Variants in UBE2D2 observed in about 807,000 individuals in gnomAD.
UBE2D2 encodes the protein ubiquitin conjugating enzyme E2 D2.
A neutral mutation model predicts 24.2 loss-of-function variants in UBE2D2; 2 were observed. The ratio of observed to expected loss-of-function variants is 0.08; its 90% confidence interval spans 0.03 to 0.26. The LOEUF is 0.26. Ranked by LOEUF, UBE2D2 falls within the 10% of genes least tolerant of loss-of-function variation. The pLI is 1.00. For missense variants in UBE2D2, 44 were observed against 177.6 expected, an observed-to-expected ratio of 0.25 and a Z score of 4.28; for synonymous variants, 58 against 56.5, an observed-to-expected ratio of 1.03 and a Z score of -0.12.
intron 1 of UBE2D2, among the ~76,000 whole-genome samples, chr5:139,596,874 T>C (rs1464484367): frequency 6.6e-6 from 1 of 151,708 alleles, no homozygotes; most frequent in African/African-American, 2.4e-5. Context: ...TGAAACCCCA[T>C]CTCTTCTAAA....
intron 2 of UBE2D2, among the ~76,000 whole-genome samples, chr5:139,613,780 A>AT (rs1377104558): frequency 2.6e-5 from 4 of 152,188 alleles, no homozygotes; most frequent in Non-Finnish European, 5.9e-5. Context: ...TGTCCCCCGT[A>AT]TACCAGCATT....
chr5:139,575,381 C>G (rs1441282231), intron 1 of UBE2D2, among the ~76,000 whole-genome samples: 1 of 152,102 alleles, frequency 6.6e-6, no homozygotes, highest in African/African-American at 2.4e-5. Flanking sequence ...ATCTCAAAAT[C>G]TTAGGTGTCA....
At chr5:139,560,194 C>T (rs1581490244), upstream of UBE2D2, among the ~76,000 whole-genome samples, 1 of 121,540 alleles carries the variant, frequency 8.2e-6, no homozygotes, top group African/African-American at 3.3e-5. Context: ...CCACCACTCT[C>T]GGCTATTTTT....
At chr5:139,597,291 G>A (rs1753981718) in intron 1 of UBE2D2, among the ~76,000 whole-genome samples, 1 of 152,106 alleles carries the variant, frequency 6.6e-6, no homozygotes, top group Non-Finnish European at 1.5e-5. Context: ...GCCTGTTCTA[G>A]AATGTCATAT....
At chr5:139,559,411 G>A (rs1251722973), upstream of UBE2D2, among the ~76,000 whole-genome samples, 2 of 150,360 alleles carry the variant, frequency 1.3e-5, no homozygotes, top group East Asian at 3.9e-4. Flanking sequence ...GGGCGACAGA[G>A]TGAGACTCCG....
intron 1 of UBE2D2, among the ~76,000 whole-genome samples, chr5:139,584,005 GC>G (rs1422222112): frequency 6.6e-6 from 1 of 152,086 alleles, no homozygotes; most frequent in African/African-American, 2.4e-5. Context: ...GTTTATTATA[GC>G]CTGAGTGTAC....
intron 1 of UBE2D2, among the ~76,000 whole-genome samples, chr5:139,529,532 A>T (rs569959988): frequency 1.1e-4 from 16 of 152,262 alleles, no homozygotes; most frequent in African/African-American, 3.6e-4. Flanking sequence ...AAAAGAAAAT[A>T]AAAAAAGATC....
chr5:139,543,556 C>T (rs575773820), intron 1 of UBE2D2, among the ~76,000 whole-genome samples: 1 of 152,352 alleles, frequency 6.6e-6, no homozygotes, highest in East Asian at 1.9e-4. Context: ...GCCCCGGCGA[C>T]GACACGGGGG....
intron 1 of UBE2D2, chr5:139,562,088 C>T (rs1432390781): frequency 4.3e-6 from 4 of 927,786 alleles, no homozygotes; most frequent in Middle Eastern, 3.4e-4. Context: ...GGGCTTCTCT[C>T]CAGTCTGGGA....
At chr5:139,570,507 A>ATTTTTGT (rs1032850347) in intron 1 of UBE2D2, among the ~76,000 whole-genome samples, 2 of 147,922 alleles carry the variant, frequency 1.4e-5, no homozygotes, top group African/African-American at 2.5e-5. Flanking sequence ...CGCCCGGCTA[A>ATTTTTGT]TTTTTGTTTT....
At position 139,533,875 on chromosome 5, in the gene UBE2D2, C is replaced by A. The variant is rs866745132; in HGVS notation, c.-64+7263C>A. ...TTGGCTCACAGCAACCTCCGCCTCC[C>A]GGGTTCAAGCGATTCTCCTGCCTCA... On this transcript the variant is annotated intron_variant, in intron 1 of 6. Transcript: ENST00000511725. 2.1e-4 allele frequency among the ~76,000 whole-genome samples: 32 copies of A among 150,508 alleles called. No individual in the cohort carries two copies. In the Middle Eastern group the frequency reaches 0.01, roughly 49 times the overall value.
chr5:139,616,665 A>G (rs1179998799), intron 5 of UBE2D2, among the ~76,000 whole-genome samples: 1 of 152,212 alleles, frequency 6.6e-6, no homozygotes, highest in Non-Finnish European at 1.5e-5. Flanking sequence ...AGAGGTATAG[A>G]TTTGTAGAGC....
chr5:139,608,537 T>G (rs1306338833), intron 2 of UBE2D2, among the ~76,000 whole-genome samples: 1 of 151,122 alleles, frequency 6.6e-6, no homozygotes, highest in East Asian at 2.0e-4. Context: ...GGCAGATCGC[T>G]TGAGCCCAGG....
At chr5:139,596,292 CTGTGTGTGTGTA>C (rs1224644093) in intron 1 of UBE2D2, among the ~76,000 whole-genome samples, 11 of 150,406 alleles carry the variant, frequency 7.3e-5, no homozygotes, top group African/African-American at 2.7e-4. Flanking sequence ...TCTGAATGTC[CTGTGTGTGTGTA>C]TGTGTGTGTG....
intron 1 of UBE2D2, among the ~76,000 whole-genome samples, chr5:139,540,846 T>A (rs1447694624): frequency 3.3e-5 from 5 of 150,196 alleles, no homozygotes; most frequent in African/African-American, 1.2e-4. Flanking sequence ...CAAAAAAAAT[T>A]TGCTGGGCAT....
chr5:139,527,998 C>T (rs1318088947), intron 1 of UBE2D2, among the ~76,000 whole-genome samples: 1 of 152,240 alleles, frequency 6.6e-6, no homozygotes, highest in Non-Finnish European at 1.5e-5. Context: ...CAGGATTCTA[C>T]AGCCTGGAGT....
chr5:139,614,308 G>T (rs1428615110), intron 2 of UBE2D2, among the ~76,000 whole-genome samples: 4 of 152,020 alleles, frequency 2.6e-5, no homozygotes, highest in African/African-American at 9.7e-5. Flanking sequence ...GGCTCAAGCA[G>T]TCCTCTCACC....
At chr5:139,607,378 T>G (rs1343817005) in intron 2 of UBE2D2, among the ~76,000 whole-genome samples, 1 of 152,202 alleles carries the variant, frequency 6.6e-6, no homozygotes, top group African/African-American at 2.4e-5. Context: ...GTACTGTAGA[T>G]TCTAGATCAT....
chr5:139,594,102 A>G (rs888222302), intron 1 of UBE2D2, among the ~76,000 whole-genome samples: 1 of 152,176 alleles, frequency 6.6e-6, no homozygotes, highest in Admixed American at 6.6e-5. Flanking sequence ...ACCTTACACC[A>G]TAGGGTGAGG....
Sources: allele counts gnomAD v4.1 joint callset (sites outside exome capture counted in the v4.1 genomes callset), GRCh38; gene constraint gnomAD v4.1.1; transcripts MANE v1.5; gene names NCBI Gene and HGNC (gene_info 2026-07-23, HGNC 2026-07-21).